The following KCNQ3 variants were observed in gnomAD, a reference collection of about 807,000 sequenced individuals.
KCNQ3 encodes potassium voltage-gated channel subfamily Q member 3.
Under a neutral mutation model 92.5 loss-of-function variants are expected in KCNQ3, and 30 were observed. The ratio of observed to expected loss-of-function variants is 0.32; its 90% CI spans 0.24 to 0.44. KCNQ3 has a LOEUF of 0.44. Among genes scored for constraint, KCNQ3 ranks in the 20% least tolerant of loss-of-function variants. The probability of loss-of-function intolerance (pLI) is 1.00; values close to 1 mark genes in which losing one functional copy is unlikely to be tolerated. For synonymous variants in KCNQ3, 450 were observed against 468.8 expected, an observed-to-expected ratio of 0.96 and a Z score of 0.52; for missense variants, 913 against 1,140.3, an observed-to-expected ratio of 0.80 and a Z score of 2.87.
chr8:132,326,598 G>A (rs1198779417), intron 1 of KCNQ3, among the ~76,000 whole-genome samples: 1 of 152,154 alleles, frequency 6.6e-6, no homozygotes, highest in Non-Finnish European at 1.5e-5. Flanking sequence ...CCTGATAAAA[G>A]AGCTCTAGGC....
intron 1 of KCNQ3, among the ~76,000 whole-genome samples, chr8:132,242,677 T>C (rs1399372884): frequency 6.6e-6 from 1 of 152,230 alleles, no homozygotes; most frequent in African/African-American, 2.4e-5. Flanking sequence ...CTCCAGTACC[T>C]AGGACAATGC....
In KCNQ3 at chr8:132,373,367, T is replaced by C. The variant is rs757999268; in HGVS notation, c.386+106780A>G. Reference sequence around the variant, plus strand: ...CCACTGTGAAAATTACATGAGGAGATGGGCCTTAAAACGCTACCAGATATT... The same window carrying C: ...CCACTGTGAAAATTACATGAGGAGACGGGCCTTAAAACGCTACCAGATATT... On this transcript the variant is annotated intron_variant, in intron 1 of 14. Coordinates refer to ENST00000388996, the MANE Select transcript of KCNQ3 (RefSeq NM_004519.4). Among the ~76,000 whole-genome samples the C allele has an allele frequency of 9.2e-5, 14 of 152,272 alleles. 1 individual carries two copies. Among genetic ancestry groups the C allele is most frequent in the Admixed American group, 5.2e-4 (8 of 15,304 alleles).
intron 1 of KCNQ3, among the ~76,000 whole-genome samples, chr8:132,311,015 A>G (rs893122122): frequency 2.7e-5 from 4 of 149,948 alleles, no homozygotes; most frequent in Non-Finnish European, 4.4e-5. Context: ...ATTTCGGCTC[A>G]CTGCAACCTC....
At chr8:132,243,764 C>G (rs1161071817) in intron 1 of KCNQ3, among the ~76,000 whole-genome samples, 4 of 152,204 alleles carry the variant, frequency 2.6e-5, no homozygotes, top group Non-Finnish European at 5.9e-5. Context: ...AGTAAGTACT[C>G]AACAATTGTT....
chr8:132,286,197 C>T (rs1229475666), intron 1 of KCNQ3, among the ~76,000 whole-genome samples: 1 of 152,160 alleles, frequency 6.6e-6, no homozygotes, highest in Non-Finnish European at 1.5e-5. Flanking sequence ...CCACTAGCAG[C>T]CTGCAATGCC....
Position 132,325,390 on chromosome 8 carries a change from G to A in KCNQ3, c.387-139209C>T, listed in dbSNP as rs527244665. On this transcript the variant is annotated intron_variant, in intron 1 of 14. Transcript: ENST00000388996. ...TTGATCCACACCTGAGAAAAGAGAC[G>A]ACTGGCTGGTGTCATGGGCTGAACT... Among the ~76,000 whole-genome samples the A allele has an allele frequency of 4.8e-4, 73 of 152,210 alleles. 1 individual carries two copies. The highest frequency in any genetic ancestry group is 6.8e-3 in the Middle Eastern group (2 of 294).
At chr8:132,272,360 G>A (rs1340722094) in intron 1 of KCNQ3, among the ~76,000 whole-genome samples, 1 of 152,188 alleles carries the variant, frequency 6.6e-6, no homozygotes, top group Non-Finnish European at 1.5e-5. Context: ...TGGTTCATGG[G>A]CCCACATGGC....
At chr8:132,302,540 G>A (rs1231531366) in intron 1 of KCNQ3, among the ~76,000 whole-genome samples, 12 of 152,194 alleles carry the variant, frequency 7.9e-5, no homozygotes, top group Non-Finnish European at 2.9e-5. Flanking sequence ...ATTTCCAAGG[G>A]CAACACAGGC....
rs1256024033 is a variant in KCNQ3 at position 132,127,179 on chromosome 8, T to C, written c.*2083A>G. ...AAAAGGCCCAAATAACCCATGCCCT[T>C]TGTCCTTCAGATTGCCAGCATGTCA... On this transcript the variant is annotated 3_prime_UTR_variant, in exon 15 of 15. Transcript: ENST00000388996. 6.6e-6 allele frequency: 1 copy of C among 152,178 alleles called. No individual in the cohort carries two copies. Among genetic ancestry groups the C allele is most frequent in the Non-Finnish European group, 1.5e-5 (1 of 68,028 alleles). The allele number at this position is 152,178 out of a possible 1,614,324, so 9.4% of individuals were successfully genotyped here.
intron 11 of KCNQ3, among the ~76,000 whole-genome samples, chr8:132,138,852 TA>T (rs1825191314): frequency 6.6e-6 from 1 of 152,228 alleles, no homozygotes; most frequent in African/African-American, 2.4e-5. Flanking sequence ...ATTTTTGGTA[TA>T]TTGATTATGG....
intron 7 of KCNQ3, 53 bp from the exon 8 acceptor site, chr8:132,170,481 GCA>G: frequency 8.9e-7 from 1 of 1,126,888 alleles, no homozygotes; most frequent in Admixed American, 1.7e-5. Flanking sequence ...TGAAACTTTC[GCA>G]CAGACTCCCA....
intron 1 of KCNQ3, among the ~76,000 whole-genome samples, chr8:132,300,680 C>T (rs1372445782): frequency 2.6e-5 from 4 of 152,116 alleles, no homozygotes; most frequent in Admixed American, 6.5e-5. Flanking sequence ...GTTAGCCCCA[C>T]GCAACATGCA....
chr8:132,389,842 C>A (rs1820002157), intron 1 of KCNQ3, among the ~76,000 whole-genome samples: 1 of 152,144 alleles, frequency 6.6e-6, no homozygotes, highest in Admixed American at 6.5e-5. Context: ...AAATGCTACA[C>A]CCTCTCAGGA....
chr8:132,229,512 GT>G (rs1814560057), intron 1 of KCNQ3, among the ~76,000 whole-genome samples: 2 of 152,008 alleles, frequency 1.3e-5, no homozygotes, highest in African/African-American at 4.8e-5. Context: ...ACATGAGCAG[GT>G]TCGGAAGAAA....
chr8:132,264,247 G>T (rs1320684101), intron 1 of KCNQ3, among the ~76,000 whole-genome samples: 2 of 152,178 alleles, frequency 1.3e-5, no homozygotes, highest in Non-Finnish European at 2.9e-5. Context: ...CTTAGTTCCT[G>T]CCCACAGCTA....
At chr8:132,175,383 G>C in intron 5 of KCNQ3, 70 bp downstream of exon 5, 1 of 1,539,310 alleles carries the variant, frequency 6.5e-7, no homozygotes, top group Non-Finnish European at 9.0e-7. Flanking sequence ...ATGCTCATGT[G>C]ATGCCCTCCA....
chr8:132,474,966 ATCATGGG>A (rs1031067039), intron 1 of KCNQ3, among the ~76,000 whole-genome samples: 1 of 152,138 alleles, frequency 6.6e-6, no homozygotes, highest in African/African-American at 2.4e-5. Flanking sequence ...AGGTGACTGA[ATCATGGG>A]GGTGGATTTC....
At position 132,234,615 on chromosome 8, in the gene KCNQ3, A is replaced by G. The variant is rs1048207522; in HGVS notation, c.387-48434T>C. On this transcript the variant is annotated intron_variant, in intron 1 of 14. Transcript: ENST00000388996. The stretch of plus-strand genomic sequence containing the variant: ...ACTGTGGTAGACACCTATGCATTCT[A>G]TCTTACTTGATTTTCACAACAAACA... 1.8e-4 allele frequency among the ~76,000 whole-genome samples: 28 copies of G among 152,204 alleles called. 1 individual carries two copies. The highest frequency in any genetic ancestry group is 8.8e-5 in the Non-Finnish European group (6 of 68,040).
At chr8:132,204,127 C>T (rs546416571) in intron 1 of KCNQ3, among the ~76,000 whole-genome samples, 55 of 152,284 alleles carry the variant, frequency 3.6e-4, no homozygotes, top group African/African-American at 1.3e-3. Flanking sequence ...GAAAAATGTG[C>T]ATCTTAGAAC....
Sources: allele counts gnomAD v4.1 joint callset (sites outside exome capture counted in the v4.1 genomes callset), GRCh38; gene constraint gnomAD v4.1.1; transcripts MANE v1.5; gene names NCBI Gene and HGNC (gene_info 2026-07-23, HGNC 2026-07-21).